FHIP2A: variants seen among roughly 807,000 people sequenced by gnomAD.
FHIP2A encodes the protein family with sequence similarity 160 member B1.
In FHIP2A, 46 loss-of-function variants were observed where a neutral mutation model predicts 93.5. The observed-to-expected ratio is 0.49, with a 90% CI of 0.39 to 0.63. The LOEUF (loss-of-function observed/expected upper bound fraction) is 0.63. Ranked by LOEUF, FHIP2A falls within the 20% of genes least tolerant of loss-of-function variation. The probability of loss-of-function intolerance (pLI) is 0.00; values close to 1 mark genes in which losing one functional copy is unlikely to be tolerated. For missense variants in FHIP2A, 769 were observed against 909.7 expected (o/e 0.85, Z 1.99); for synonymous variants, 332 against 326.5 (o/e 1.02, Z -0.18).
intron 13 of FHIP2A, among the ~76,000 whole-genome samples, chr10:114,853,685 T>C (rs1269625413): frequency 6.6e-6 from 1 of 152,218 alleles, no homozygotes; most frequent in African/African-American, 2.4e-5. Context: ...GAAGTGTTAA[T>C]GTAAAAATGA....
At chr10:114,876,915 C>T (rs2083892326) in intron 16 of FHIP2A, among the ~76,000 whole-genome samples, 1 of 152,226 alleles carries the variant, frequency 6.6e-6, no homozygotes, top group Admixed American at 6.5e-5. Flanking sequence ...CTCCTAAACC[C>T]TGTAACTATT....
At chr10:114,823,139 A>G (rs1308402793) in intron 1 of FHIP2A, among the ~76,000 whole-genome samples, 1 of 152,236 alleles carries the variant, frequency 6.6e-6, no homozygotes, top group African/African-American at 2.4e-5. Flanking sequence ...TACACTTTAA[A>G]AATGTCAGAT....
At chr10:114,831,722 C>T (rs1417644073) in intron 2 of FHIP2A, among the ~76,000 whole-genome samples, 1 of 152,180 alleles carries the variant, frequency 6.6e-6, no homozygotes, top group Non-Finnish European at 1.5e-5. Flanking sequence ...ATTCATATAA[C>T]AGTACTCACT....
intron 14 of FHIP2A, among the ~76,000 whole-genome samples, chr10:114,858,156 A>G (rs2083777818): frequency 1.3e-5 from 2 of 152,250 alleles, no homozygotes; most frequent in African/African-American, 4.8e-5. Flanking sequence ...TGTATAAAGT[A>G]TAAAATAAAG....
At chr10:114,878,005 A>G (rs2083897806) in intron 16 of FHIP2A, among the ~76,000 whole-genome samples, 2 of 152,192 alleles carry the variant, frequency 1.3e-5, no homozygotes, top group Admixed American at 6.5e-5. Context: ...CCTTCCCCCC[A>G]ATATATAGAC....
intron 3 of FHIP2A, 90 bp from the exon 4 acceptor site, chr10:114,835,447 A>C (rs1225606099): frequency 2.8e-6 from 2 of 716,234 alleles, no homozygotes; most frequent in East Asian, 5.0e-5. Context: ...ACATTCATAT[A>C]CATTGTCTCT....
At chr10:114,881,335 A>G (rs2143015166) in intron 16 of FHIP2A, among the ~76,000 whole-genome samples, 1 of 152,338 alleles carries the variant, frequency 6.6e-6, no homozygotes, top group Non-Finnish European at 1.5e-5. Context: ...AAACTGGAAC[A>G]ATATTTGGAA....
intron 16 of FHIP2A, among the ~76,000 whole-genome samples, chr10:114,874,138 A>G (rs1272850735): frequency 3.9e-5 from 6 of 152,230 alleles, no homozygotes; most frequent in African/African-American, 7.2e-5. Flanking sequence ...TGAGTGACTG[A>G]GTGGGAAGCA....
intron 5 of FHIP2A, among the ~76,000 whole-genome samples, chr10:114,841,511 C>G (rs557743802): frequency 6.6e-6 from 1 of 151,932 alleles, no homozygotes; most frequent in African/African-American, 2.4e-5. Context: ...AGGCTGGTCT[C>G]GAACTCCTGA....
chr10:114,851,618 T>A (rs1448118673), intron 13 of FHIP2A, among the ~76,000 whole-genome samples: 4 of 150,002 alleles, frequency 2.7e-5, no homozygotes, highest in Non-Finnish European at 5.9e-5. Flanking sequence ...TTGAGAAATA[T>A]GAATCCTTCA....
At chr10:114,869,519 C>T (rs1455680239), downstream of FHIP2A, among the ~76,000 whole-genome samples, 2 of 152,084 alleles carry the variant, frequency 1.3e-5, no homozygotes, top group African/African-American at 2.4e-5. Context: ...TGGTGTTGGG[C>T]TCCCACAGAA....
At chr10:114,891,132 T>C (rs915847062) in intron 16 of FHIP2A, among the ~76,000 whole-genome samples, 2 of 151,476 alleles carry the variant, frequency 1.3e-5, no homozygotes, top group African/African-American at 4.8e-5. Flanking sequence ...AGTTCAAGGC[T>C]GTAGTGAGCT....
chr10:114,884,181 A>G (rs867432214), intron 16 of FHIP2A, among the ~76,000 whole-genome samples: 3 of 152,198 alleles, frequency 2.0e-5, no homozygotes, highest in Admixed American at 6.5e-5. Context: ...GGATTCTGGT[A>G]TAATGAGGAG....
chr10:114,853,724 C>T (rs369968186), intron 13 of FHIP2A, among the ~76,000 whole-genome samples: 5 of 152,114 alleles, frequency 3.3e-5, no homozygotes, highest in East Asian at 3.9e-4. Flanking sequence ...TTGGGCCAGG[C>T]GCGGTGGCTC....
chr10:114,823,572 G>T (rs908787929), intron 1 of FHIP2A, among the ~76,000 whole-genome samples: 7 of 151,826 alleles, frequency 4.6e-5, no homozygotes, highest in African/African-American at 1.7e-4. Flanking sequence ...TCAGGTCACT[G>T]CAACCTCCGC....
At chr10:114,871,581 C>T (rs919409213) in intron 16 of FHIP2A, among the ~76,000 whole-genome samples, 2 of 152,142 alleles carry the variant, frequency 1.3e-5, no homozygotes, top group African/African-American at 4.8e-5. Context: ...ATGTAACCAA[C>T]TCCCATATGA....
At position 114,833,320 on chromosome 10, in the gene FHIP2A, A is replaced by G; in HGVS notation, c.212A>G (p.Glu71Gly). The G allele has an allele frequency of 6.2e-7, 1 of 1,613,920 alleles. No homozygotes were observed. The highest frequency in any genetic ancestry group is 8.5e-7 in the Non-Finnish European group (1 of 1,179,832). ...CTGGTTCAAGAAGAAAATGAACGGG[A>G]ATCTGGAGAGACAGGGCCATGTATG... ...DILVQEENER[E>G]SGETGPCMEY... The change falls in exon 3 of 17, where the codon GAA becomes GGA. Residue 71 changes from glutamate to glycine, a missense_variant. Transcript: ENST00000369248.
At chr10:114,881,526 G>T (rs2083917061) in intron 16 of FHIP2A, among the ~76,000 whole-genome samples, 1 of 152,110 alleles carries the variant, frequency 6.6e-6, no homozygotes, top group South Asian at 2.1e-4. Flanking sequence ...TAGGAAACTT[G>T]TCTGGGACCT....
intron 1 of FHIP2A, among the ~76,000 whole-genome samples, chr10:114,825,951 C>A (rs2083573073): frequency 1.3e-5 from 2 of 152,206 alleles, no homozygotes; most frequent in South Asian, 4.1e-4. Flanking sequence ...AGTCATCTTT[C>A]AGAATGTAAG....
Sources: allele counts gnomAD v4.1 joint callset (sites outside exome capture counted in the v4.1 genomes callset), GRCh38; gene constraint gnomAD v4.1.1; transcripts MANE v1.5; gene names NCBI Gene and HGNC (gene_info 2026-07-23, HGNC 2026-07-21).